EDNRA: variants seen among roughly 807,000 people sequenced by gnomAD.
EDNRA encodes the protein endothelin receptor type A.
Under a neutral mutation model 41.4 loss-of-function variants are expected in EDNRA, and 11 were observed. The ratio of observed to expected loss-of-function variants is 0.27; its 90% confidence interval spans 0.17 to 0.44. The LOEUF is 0.44. Among genes scored for constraint, EDNRA ranks in the 20% least tolerant of loss-of-function variants. The pLI, the probability that EDNRA is intolerant of heterozygous loss-of-function variation, is 1.00. For synonymous variants in EDNRA, 172 were observed against 183.0 expected, an observed-to-expected ratio of 0.94 and a Z score of 0.49; for missense variants, 294 against 531.0, an observed-to-expected ratio of 0.55 and a Z score of 4.39.
chr4:147,503,616 G>A (rs1332275018), intron 2 of EDNRA, among the ~76,000 whole-genome samples: 1 of 152,248 alleles, frequency 6.6e-6, no homozygotes, highest in African/African-American at 2.4e-5. Flanking sequence ...GAAAGGAAGA[G>A]AAATACAGAT....
At chr4:147,511,481 C>A (rs886440998) in intron 2 of EDNRA, among the ~76,000 whole-genome samples, 1 of 151,688 alleles carries the variant, frequency 6.6e-6, no homozygotes, top group Non-Finnish European at 1.5e-5. Flanking sequence ...TTTTTTGGCT[C>A]ATTTTTTCCA....
intron 5 of EDNRA, among the ~76,000 whole-genome samples, chr4:147,538,379 A>T (rs969132283): frequency 2.0e-5 from 3 of 152,232 alleles, no homozygotes; most frequent in Admixed American, 6.5e-5. Flanking sequence ...CCAAGTGGCC[A>T]TGTAGATAAT....
intron 2 of EDNRA, among the ~76,000 whole-genome samples, chr4:147,496,780 A>C (rs1022827560): frequency 6.6e-6 from 1 of 152,200 alleles, no homozygotes; most frequent in Admixed American, 6.5e-5. Context: ...AGTCATTCTC[A>C]TTATTGTATA....
In EDNRA at chr4:147,536,042, ACAT is replaced by A. The variant is rs1730908271; in HGVS notation, c.900+17_900+19del. 1.2e-6 allele frequency: 2 copies of A among 1,613,686 alleles called. No homozygotes were observed. The highest frequency in any genetic ancestry group is 1.7e-5 in the Admixed American group (1 of 60,008). On this transcript the variant is annotated intron_variant, in intron 5 of 7. Transcript: ENST00000651419. ...ACATCTTAAGCAGGTAAATCCCATA[ACAT>A]CATGAAAATCTGGCCAGGACTGGTT...
At chr4:147,483,503 GA>G (rs1258840079) in intron 1 of EDNRA, among the ~76,000 whole-genome samples, 6 of 152,110 alleles carry the variant, frequency 3.9e-5, no homozygotes, top group Admixed American at 1.3e-4. Flanking sequence ...AGTTCAGGGG[GA>G]AATCTCTGGG....
At chr4:147,493,909 T>C (rs1729221281) in intron 2 of EDNRA, 1 of 152,222 alleles carries the variant, frequency 6.6e-6, no homozygotes, top group Non-Finnish European at 1.5e-5. Context: ...TAAAATCAAA[T>C]GTGCCCTCAG....
intron 2 of EDNRA, among the ~76,000 whole-genome samples, chr4:147,504,351 T>G (rs544451704): frequency 6.6e-6 from 1 of 152,358 alleles, no homozygotes; most frequent in South Asian, 2.1e-4. Flanking sequence ...TAAGCATGGT[T>G]TTGCAACATC....
chr4:147,505,939 C>T (rs1729700940), intron 2 of EDNRA, among the ~76,000 whole-genome samples: 1 of 152,012 alleles, frequency 6.6e-6, no homozygotes, highest in Middle Eastern at 3.4e-3. Context: ...TGAGTGACCG[C>T]GCCCGGCCGG....
chr4:147,506,630 G>T, intron 2 of EDNRA: 1 of 311,080 alleles, frequency 3.2e-6, no homozygotes, highest in South Asian at 3.9e-5. Context: ...GGACTTGGTG[G>T]ACATCACAAA....
Position 147,544,680 on chromosome 4 carries a change from TTTG to T in EDNRA, c.*2065_*2067del, listed in dbSNP as rs1731229479. ...AATATAAGCCATAGGTTCACACCAT[TTTG>T]TTTAGACAATTGTCTTTTTTTCAAG... On this transcript the variant is annotated 3_prime_UTR_variant, in exon 8 of 8. Coordinates refer to ENST00000651419, the MANE Select transcript of EDNRA (RefSeq NM_001957.4). The T allele has an allele frequency of 6.6e-6, 1 of 152,502 alleles. No homozygotes were observed. Among genetic ancestry groups the T allele is most frequent in the South Asian group, 2.1e-4 (1 of 4,836 alleles). 9.4% of individuals were successfully genotyped at this position (152,502 alleles called of 1,614,324 possible).
At chr4:147,540,919 T>C (rs1353923909) in intron 7 of EDNRA, among the ~76,000 whole-genome samples, 9 of 151,682 alleles carry the variant, frequency 5.9e-5, no homozygotes, top group African/African-American at 4.8e-5. Flanking sequence ...CTGTCTCTAC[T>C]AAAAATACAA....
At chr4:147,523,711 C>T (rs543126044) in intron 3 of EDNRA, among the ~76,000 whole-genome samples, 2 of 151,968 alleles carry the variant, frequency 1.3e-5, no homozygotes, top group African/African-American at 4.8e-5. Context: ...AGGATGGTTT[C>T]GATCTCCTGA....
intron 1 of EDNRA, among the ~76,000 whole-genome samples, chr4:147,484,915 C>T (rs1728892045): frequency 1.3e-5 from 2 of 152,330 alleles, no homozygotes; most frequent in Non-Finnish European, 2.9e-5. Context: ...CCAGAGTTCT[C>T]ATTAACATTT....
In EDNRA at chr4:147,542,653, T is replaced by C. The variant is rs1473552107; in HGVS notation, c.*35T>C. ...GAAGCACTCCTCGGTACTCCCATAATCCTCTCGGAGAAAAAAATCACAAGG... is the reference window on the plus strand; with the variant it reads ...GAAGCACTCCTCGGTACTCCCATAACCCTCTCGGAGAAAAAAATCACAAGG... On this transcript the variant is annotated 3_prime_UTR_variant, in exon 8 of 8. Transcript: ENST00000651419. 6 of 1,600,178 alleles carry C rather than the reference T, an allele frequency of 3.7e-6. No homozygotes were observed. Among genetic ancestry groups the C allele is most frequent in the African/African-American group, 1.3e-5 (1 of 74,392 alleles).
At position 147,511,177 on chromosome 4, in the gene EDNRA, C is replaced by G. The variant is rs145498865; in HGVS notation, c.421-8674C>G. Among the ~76,000 whole-genome samples, 61 of 152,268 alleles carry G rather than the reference C, an allele frequency of 4.0e-4. 1 individual carries two copies. The highest frequency in any genetic ancestry group is 1.3e-3 in the African/African-American group (53 of 41,562). The stretch of plus-strand genomic sequence containing the variant: ...CAAATTGCATTTCCCTAGAAGACAG[C>G]CTGGCTTCTAAAACTTTATAGTGAA... On this transcript the variant is annotated intron_variant, in intron 2 of 7. Transcript: ENST00000651419.
At chr4:147,522,162 G>A (rs940330527) in intron 3 of EDNRA, among the ~76,000 whole-genome samples, 1 of 152,108 alleles carries the variant, frequency 6.6e-6, no homozygotes, top group African/African-American at 2.4e-5. Flanking sequence ...AAAGTCTTCT[G>A]TACATATCAA....
rs141331809 is a variant in EDNRA, at chr4:147,542,480, A to G, written c.1146A>G (p.Ser382=). Residue 382 remains serine, a splice_region_variant and synonymous_variant, in exon 8 of 8, where the codon TCA becomes TCG. Transcript: ENST00000651419. ...VSKKFKNCFQ[S]CLCCCCYQSK... is the part of the protein sequence containing the mutation. ...TTCGAGTCTGTTCCTTCCCCCAGTC[A>G]TGCCTCTGCTGCTGCTGTTACCAGT... 8,738 of 1,614,094 alleles carry G rather than the reference A, an allele frequency of 5.4e-3. 33 individuals are homozygous for G. Among genetic ancestry groups the G allele is most frequent in the Non-Finnish European group, 6.6e-3 (7,742 of 1,179,994 alleles).
intron 2 of EDNRA, among the ~76,000 whole-genome samples, chr4:147,509,674 T>C: frequency 6.6e-6 from 1 of 152,102 alleles, no homozygotes; most frequent in South Asian, 2.1e-4. Context: ...CAAAGGAGTA[T>C]GAACCCTTTT....
intron 4 of EDNRA, among the ~76,000 whole-genome samples, chr4:147,535,485 T>C (rs1730888369): frequency 6.6e-6 from 1 of 152,208 alleles, no homozygotes; most frequent in African/African-American, 2.4e-5. Flanking sequence ...TAACAAAATT[T>C]TGAGGTTCAT....
Sources: gnomAD v4.1 joint callset for allele counts (sites outside exome capture counted in the v4.1 genomes callset) on GRCh38, gnomAD v4.1.1 for gene constraint, MANE v1.5 for transcripts, NCBI Gene and HGNC (gene_info 2026-07-23, HGNC 2026-07-21) for gene names.